The following CADM2 variants were observed in gnomAD, a reference collection of about 807,000 sequenced individuals.
The protein encoded by CADM2 is immunoglobulin superfamily member 4D.
Under a neutral mutation model 49.8 loss-of-function variants are expected in CADM2, and 12 were observed. That is an observed-to-expected ratio of 0.24 (90% CI 0.15 to 0.39). The LOEUF is 0.39. Ranked by LOEUF, CADM2 falls within the 10% of genes least tolerant of loss-of-function variation. CADM2 has a pLI of 1.00. For synonymous variants in CADM2, 214 were observed against 175.4 expected (o/e 1.22, Z -1.74); for missense variants, 378 against 492.3 (o/e 0.77, Z 2.20).
rs1004305646 is a variant in CADM2 at position 85,846,508 on chromosome 3, A to G, written c.239-36783A>G. 3.3e-5 allele frequency among the ~76,000 whole-genome samples: 5 copies of G among 152,304 alleles called. No homozygotes were observed. The South Asian group carries it at 1.0e-3, about 32-fold the overall frequency. ...AGGAGTCAGGTTATTCAGAAAAGAC[A>G]TTGCCAAAAATGCTGAGTTTTAAGG... On this transcript the variant is annotated intron_variant, in intron 3 of 9. Coordinates refer to ENST00000383699, the MANE Select transcript of CADM2 (RefSeq NM_001167675.2).
intron 5 of CADM2, among the ~76,000 whole-genome samples, chr3:85,897,241 C>CTTTTTTTTTTTTTTTTT (rs752550127): frequency 2.2e-5 from 1 of 45,900 alleles, no homozygotes; most frequent in Admixed American, 3.3e-4. Context: ...TAACCTACAT[C>CTTTTTTTTTTTTTTTTT]TTTTTTTTTT....
At chr3:85,519,548 G>A (rs1282422649) in intron 1 of CADM2, among the ~76,000 whole-genome samples, 1 of 151,904 alleles carries the variant, frequency 6.6e-6, no homozygotes, top group Non-Finnish European at 1.5e-5. Context: ...ATTGTAAAAA[G>A]CCAATATCGT....
chr3:85,796,866 A>G (rs1357307506), intron 2 of CADM2, among the ~76,000 whole-genome samples: 2 of 152,040 alleles, frequency 1.3e-5, no homozygotes, highest in African/African-American at 4.8e-5. Flanking sequence ...AGAGGCCAAG[A>G]TGGGCTTATC....
At chr3:85,166,845 TTTG>T (rs1433603360) in intron 1 of CADM2, among the ~76,000 whole-genome samples, 1 of 151,870 alleles carries the variant, frequency 6.6e-6, no homozygotes, top group Non-Finnish European at 1.5e-5. Flanking sequence ...GCCAAGGGAT[TTTG>T]TTATCATTTT....
chr3:85,069,942 G>T (rs894442866), intron 1 of CADM2, among the ~76,000 whole-genome samples: 1 of 152,060 alleles, frequency 6.6e-6, no homozygotes, highest in Non-Finnish European at 1.5e-5. Context: ...TTATCATTAT[G>T]TTTTTGGGGC....
At chr3:85,631,718 T>C (rs2064313985) in intron 1 of CADM2, among the ~76,000 whole-genome samples, 1 of 152,292 alleles carries the variant, frequency 6.6e-6, no homozygotes, top group African/African-American at 2.4e-5. Flanking sequence ...ATTTAAATTT[T>C]AGTGTATTTT....
At chr3:85,105,852 C>T (rs2038201788) in intron 1 of CADM2, among the ~76,000 whole-genome samples, 1 of 151,826 alleles carries the variant, frequency 6.6e-6, no homozygotes, top group Non-Finnish European at 1.5e-5. Context: ...GAACAAAAAG[C>T]CAAACACCAC....
At chr3:85,779,455 G>A (rs113125865) in intron 2 of CADM2, among the ~76,000 whole-genome samples, 1,547 of 152,108 alleles carry the variant, frequency 0.01, 9 homozygotes, top group Middle Eastern at 0.027. Flanking sequence ...CAGCATGGTC[G>A]GGAGGCCTCA....
chr3:84,993,991 TAAGCTCAGGACCTGCCGA>T (rs2033037989), intron 1 of CADM2, among the ~76,000 whole-genome samples: 1 of 152,216 alleles, frequency 6.6e-6, no homozygotes, highest in Non-Finnish European at 1.5e-5. Flanking sequence ...CAAATTAGTG[TAAGCTCAGGACCTGCCGA>T]ACATCCTTTC....
At chr3:85,508,855 G>T (rs1240826010) in intron 1 of CADM2, among the ~76,000 whole-genome samples, 1 of 151,956 alleles carries the variant, frequency 6.6e-6, no homozygotes, top group African/African-American at 2.4e-5. Context: ...GTGTGTGTGT[G>T]TGTGTGTGTA....
At chr3:85,412,632 G>A (rs9810191) in intron 1 of CADM2, among the ~76,000 whole-genome samples, 13,544 of 151,828 alleles carry the variant, frequency 0.089, 1,966 homozygotes, top group African/African-American at 0.31. Context: ...AAAGGGACAA[G>A]TGGAGCGCTA....
chr3:86,007,695 A>G (rs1473812077), intron 8 of CADM2, among the ~76,000 whole-genome samples: 1 of 152,086 alleles, frequency 6.6e-6, no homozygotes, highest in Admixed American at 6.6e-5. Flanking sequence ...TGGTGATTGG[A>G]CCTCTCCAGC....
chr3:85,346,439 C>G (rs1365301401), intron 1 of CADM2, among the ~76,000 whole-genome samples: 3 of 151,658 alleles, frequency 2.0e-5, no homozygotes, highest in Admixed American at 6.6e-5. Context: ...AGATATTTTT[C>G]AAAAAAATCT....
At chr3:85,348,175 A>T (rs750185457) in intron 1 of CADM2, among the ~76,000 whole-genome samples, 11 of 152,138 alleles carry the variant, frequency 7.2e-5, no homozygotes, top group Non-Finnish European at 1.6e-4. Context: ...TTTTGCTGCA[A>T]TCCTCAGCCA....
At position 85,215,321 on chromosome 3, in the gene CADM2, T is replaced by G. The variant is rs79522963; in HGVS notation, c.61+255653T>G. On this transcript the variant is annotated intron_variant, in intron 1 of 9. Coordinates refer to ENST00000383699, the MANE Select transcript of CADM2 (RefSeq NM_001167675.2). The stretch of plus-strand genomic sequence containing the variant: ...TAGTGGCATTCTACTCTGGTTAAGC[T>G]GCTGTCTAAGTTGCAACACCAAAGT... Among the ~76,000 whole-genome samples, 764 of 135,052 alleles carry G rather than the reference T, an allele frequency of 5.7e-3. 5 individuals carry two copies. The highest frequency in any genetic ancestry group is 0.021 in the African/African-American group (724 of 34,940). The allele number at this position is 135,052 out of a possible 152,430, so 88.6% of individuals were successfully genotyped here. A position where few individuals can be genotyped will look rare whatever the true frequency, so the allele number is the denominator to read the frequency against.
At chr3:85,822,059 A>C (rs2073612782) in intron 3 of CADM2, among the ~76,000 whole-genome samples, 1 of 152,172 alleles carries the variant, frequency 6.6e-6, no homozygotes, top group Non-Finnish European at 1.5e-5. Flanking sequence ...CATATACATC[A>C]AATATTTACA....
At chr3:85,601,640 A>AC (rs1444512580) in intron 1 of CADM2, among the ~76,000 whole-genome samples, 1 of 151,126 alleles carries the variant, frequency 6.6e-6, no homozygotes, top group East Asian at 1.9e-4. Context: ...TTTTAAAAAA[A>AC]CGTTTATATT....
At chr3:85,041,864 A>C (rs1445210352) in intron 1 of CADM2, among the ~76,000 whole-genome samples, 1 of 152,184 alleles carries the variant, frequency 6.6e-6, no homozygotes, top group Non-Finnish European at 1.5e-5. Context: ...AAATGATGGA[A>C]AGTGTCAGAA....
intron 6 of CADM2, among the ~76,000 whole-genome samples, chr3:85,932,829 C>G (rs565198722): frequency 6.6e-6 from 1 of 152,204 alleles, no homozygotes; most frequent in South Asian, 2.1e-4. Context: ...TAAATGAATA[C>G]TGTCTTACAT....
Sources: allele counts gnomAD v4.1 joint callset (sites outside exome capture counted in the v4.1 genomes callset), GRCh38; gene constraint gnomAD v4.1.1; transcripts MANE v1.5; gene names NCBI Gene and HGNC (gene_info 2026-07-23, HGNC 2026-07-21).